KLF12: variants seen among roughly 807,000 people sequenced by gnomAD.
The protein encoded by KLF12 is Krueppel-like factor 12.
A neutral mutation model predicts 37.8 loss-of-function variants in KLF12; 9 were observed. The observed-to-expected ratio is 0.24, with a 90% CI of 0.14 to 0.42. KLF12 has a LOEUF of 0.42. Among genes scored for constraint, KLF12 ranks in the 10% least tolerant of loss-of-function variants. The pLI is 1.00. For synonymous variants in KLF12, 208 were observed against 202.1 expected (o/e 1.03, Z -0.25); for missense variants, 411 against 516.0 (o/e 0.80, Z 1.97).
chr13:73,977,047 C>T (rs907732475), intron 2 of KLF12, among the ~76,000 whole-genome samples: 1 of 149,910 alleles, frequency 6.7e-6, no homozygotes, highest in Non-Finnish European at 1.5e-5. Context: ...AAGAAGACAA[C>T]ATACTTTTTT....
the KLF12 span, among the ~76,000 whole-genome samples, chr13:74,233,566 T>G: frequency 3.1e-4 from 47 of 152,346 alleles, no homozygotes; most frequent in African/African-American, 1.1e-3. Context: ...ACATTGTAGT[T>G]TGGAGAAGCA....
intron 3 of KLF12, among the ~76,000 whole-genome samples, chr13:73,859,225 T>C (rs1438585426): frequency 1.3e-5 from 2 of 152,182 alleles, no homozygotes; most frequent in African/African-American, 4.8e-5. Flanking sequence ...TAGGGAGAGC[T>C]TCTAAGGACC....
chr13:74,169,984 C>T, the KLF12 span, among the ~76,000 whole-genome samples: 3 of 147,296 alleles, frequency 2.0e-5, no homozygotes, highest in Admixed American at 6.7e-5. Flanking sequence ...ACAAATATTG[C>T]CATTTTTTTT....
chr13:74,064,335 G>C (rs1485123147), intron 1 of KLF12, among the ~76,000 whole-genome samples: 4 of 152,136 alleles, frequency 2.6e-5, no homozygotes, highest in Admixed American at 6.5e-5. Flanking sequence ...CTAGTACCTT[G>C]CATGTAGCAG....
intron 3 of KLF12, among the ~76,000 whole-genome samples, chr13:73,851,378 T>C (rs891240902): frequency 8.5e-5 from 13 of 152,326 alleles, no homozygotes; most frequent in South Asian, 2.1e-4. Context: ...GGATCTCTTA[T>C]GATTATTTAG....
Position 73,694,351 on chromosome 13 carries a change from T to C in KLF12, c.*1139A>G, listed in dbSNP as rs1873990437. 1 of 152,664 alleles carries C rather than the reference T, an allele frequency of 6.6e-6. No individual in the cohort carries two copies. The highest frequency in any genetic ancestry group is 2.4e-5 in the African/African-American group (1 of 41,462). 9.5% of individuals were successfully genotyped at this position (152,664 alleles called of 1,614,324 possible). On this transcript the variant is annotated 3_prime_UTR_variant, in exon 8 of 8. Coordinates refer to ENST00000377669, the MANE Select transcript of KLF12 (RefSeq NM_007249.5). ...GCAGGACAACAAACAGCAGAAAGATTACCTCAGTGCTGTAAATGGAACCAA... is the reference window on the plus strand; with the variant it reads ...GCAGGACAACAAACAGCAGAAAGATCACCTCAGTGCTGTAAATGGAACCAA...
rs1386836303 is a variant in KLF12 at position 73,693,175 on chromosome 13, A to G, written c.*2315T>C. ...CCAACTAGGTGCTGGTACTAGTGCC[A>G]GGGGGTTCATGGCTGTGTTTGTCCC... is the stretch of plus-strand genomic sequence containing the variant. On this transcript the variant is annotated 3_prime_UTR_variant, in exon 8 of 8. Transcript: ENST00000377669. The G allele has an allele frequency of 6.6e-6, 1 of 152,224 alleles. No homozygotes were observed. The highest frequency in any genetic ancestry group is 2.4e-5 in the African/African-American group (1 of 41,462). 9.4% of individuals were successfully genotyped at this position (152,224 alleles called of 1,614,324 possible).
rs372187238 is a variant in KLF12, at chr13:73,737,731, T to A, written c.870-22206A>T. Among the ~76,000 whole-genome samples, 43 of 152,266 alleles carry A rather than the reference T, an allele frequency of 2.8e-4. 1 individual carries two copies. The South Asian group carries it at 3.7e-3, about 13-fold the overall frequency. ...TGAATATTATGGATATGTGGAAATA[T>A]ACGAAACTGTCTCATTTAGGTATAT... is the stretch of plus-strand genomic sequence containing the variant. On this transcript the variant is annotated intron_variant, in intron 6 of 7. Transcript: ENST00000377669.
intron 1 of KLF12, among the ~76,000 whole-genome samples, chr13:74,116,114 C>A (rs1345891962): frequency 2.0e-5 from 3 of 152,100 alleles, no homozygotes; most frequent in Admixed American, 6.5e-5. Context: ...AAAGTGGAAA[C>A]AGGAAAACTT....
intron 4 of KLF12, among the ~76,000 whole-genome samples, chr13:73,828,247 C>A (rs1214441805): frequency 6.6e-6 from 1 of 152,104 alleles, no homozygotes; most frequent in Non-Finnish European, 1.5e-5. Context: ...GTTTAGGGAA[C>A]TCATGCTTGA....
In KLF12 at chr13:73,781,254, T is replaced by C. The variant is rs555749120; in HGVS notation, c.807-16254A>G. 1.3e-4 allele frequency among the ~76,000 whole-genome samples: 19 copies of C among 151,824 alleles called. 1 individual carries two copies. Among genetic ancestry groups the C allele is most frequent in the Admixed American group, 1.0e-3 (16 of 15,302 alleles). ...ATGTTATTGCACACTTCCTGTAGTA[T>C]AGTTTAAACAACTTTTATATGCACT... On this transcript the variant is annotated intron_variant, in intron 5 of 7. Transcript: ENST00000377669.
At chr13:73,954,492 C>A (rs898176319) in intron 2 of KLF12, among the ~76,000 whole-genome samples, 4 of 152,074 alleles carry the variant, frequency 2.6e-5, no homozygotes, top group African/African-American at 9.7e-5. Context: ...GTTATCAAAG[C>A]ACATAAAAGC....
chr13:74,135,155 C>T (rs1242203578), upstream of KLF12, among the ~76,000 whole-genome samples: 2 of 151,870 alleles, frequency 1.3e-5, no homozygotes, highest in Admixed American at 1.3e-4. Flanking sequence ...CGCCCCTTTT[C>T]CCTGCGCTTC....
chr13:73,750,446 G>C (rs924828315), intron 6 of KLF12, among the ~76,000 whole-genome samples: 6 of 152,264 alleles, frequency 3.9e-5, no homozygotes, highest in African/African-American at 1.4e-4. Context: ...GCCAGGCAAG[G>C]ACAGCCTTCA....
chr13:74,079,222 G>C (rs1409682287), intron 1 of KLF12, among the ~76,000 whole-genome samples: 1 of 152,140 alleles, frequency 6.6e-6, no homozygotes, highest in Non-Finnish European at 1.5e-5. Flanking sequence ...GGTACCAGGG[G>C]CTGAGGGGAA....
intron 1 of KLF12, among the ~76,000 whole-genome samples, chr13:74,041,731 CA>C (rs1566515025): frequency 2.3e-4 from 34 of 149,830 alleles, no homozygotes; most frequent in East Asian, 1.4e-3. Flanking sequence ...CACACACACA[CA>C]CCCCTTCAAA....
the KLF12 span, among the ~76,000 whole-genome samples, chr13:74,213,416 G>T: frequency 6.6e-6 from 1 of 152,012 alleles, no homozygotes; most frequent in Admixed American, 6.6e-5. Context: ...AGAAATTCTT[G>T]TTTATTTTTG....
intron 7 of KLF12, among the ~76,000 whole-genome samples, chr13:73,707,416 T>C (rs1415904544): frequency 2.0e-5 from 3 of 152,204 alleles, no homozygotes; most frequent in Non-Finnish European, 4.4e-5. Flanking sequence ...AGTTTGGTGA[T>C]ATTTCTATTA....
the KLF12 span, chr13:74,259,737 C>T: frequency 2.0e-5 from 3 of 152,210 alleles, no homozygotes; most frequent in East Asian, 1.9e-4. Context: ...GTAACTCAAT[C>T]GAGCCTTTTC....
Sources: gnomAD v4.1 joint callset for allele counts (sites outside exome capture counted in the v4.1 genomes callset) on GRCh38, gnomAD v4.1.1 for gene constraint, MANE v1.5 for transcripts, NCBI Gene and HGNC (gene_info 2026-07-23, HGNC 2026-07-21) for gene names.